FTO: variants seen among roughly 807,000 people sequenced by gnomAD.
FTO encodes alpha-ketoglutarate-dependent dioxygenase FTO.
FTO carries 47 observed loss-of-function variants against 63.9 expected under a neutral mutation model. The observed-to-expected ratio is 0.74, with a 90% CI of 0.58 to 0.94. The LOEUF (loss-of-function observed/expected upper bound fraction) is 0.94, where lower values mean the gene tolerates loss of function less well. Ranked by LOEUF, FTO falls within the 40% of genes least tolerant of loss-of-function variation. FTO has a pLI of 0.00. For synonymous variants in FTO, 207 were observed against 224.4 expected (o/e 0.92, Z 0.69); for missense variants, 562 against 618.1 (o/e 0.91, Z 0.96).
At chr16:54,003,034 CTG>C (rs1178045353) in intron 8 of FTO, among the ~76,000 whole-genome samples, 2 of 152,212 alleles carry the variant, frequency 1.3e-5, no homozygotes, top group Non-Finnish European at 2.9e-5. Flanking sequence ...AAGAGAAAGA[CTG>C]TGAAATAGAT....
chr16:53,879,373 A>T (rs982337915), intron 5 of FTO, among the ~76,000 whole-genome samples: 1 of 152,148 alleles, frequency 6.6e-6, no homozygotes, highest in Non-Finnish European at 1.5e-5. Context: ...CACTCTAGTA[A>T]TTCTTGAGTT....
At position 53,736,702 on chromosome 16, in the gene FTO, C is replaced by T. The variant is rs527578758; in HGVS notation, c.45+32473C>T. Among the ~76,000 whole-genome samples the T allele has an allele frequency of 8.5e-4, 129 of 152,314 alleles. 1 individual carries two copies. The highest frequency in any genetic ancestry group is 3.1e-3 in the African/African-American group (128 of 41,572). ...AAGTGGTTTTTCTTATTATTTAACT[C>T]TGGTTTGACTTTGATTCAATGTAGG... On this transcript the variant is annotated intron_variant, in intron 1 of 8. Transcript: ENST00000471389.
chr16:53,724,277 C>A (rs549205746), intron 1 of FTO, among the ~76,000 whole-genome samples: 8 of 152,136 alleles, frequency 5.3e-5, no homozygotes, highest in Non-Finnish European at 1.0e-4. Flanking sequence ...TGGCTGTATT[C>A]CTTACAGATG....
intron 1 of FTO, among the ~76,000 whole-genome samples, chr16:53,752,528 G>A (rs758687870): frequency 6.6e-6 from 1 of 152,128 alleles, no homozygotes; most frequent in Non-Finnish European, 1.5e-5. Flanking sequence ...ATTCAAAAGG[G>A]TAGTGTTCAA....
chr16:53,813,702 A>G (rs920556480), intron 2 of FTO, among the ~76,000 whole-genome samples: 1 of 152,158 alleles, frequency 6.6e-6, no homozygotes, highest in Non-Finnish European at 1.5e-5. Context: ...TAAACACAGG[A>G]GTCTGTTCAG....
At chr16:53,713,701 T>C (rs1285716740) in intron 1 of FTO, among the ~76,000 whole-genome samples, 2 of 152,132 alleles carry the variant, frequency 1.3e-5, no homozygotes, top group African/African-American at 4.8e-5. Flanking sequence ...GGTGCCATGG[T>C]TTGCATTTAA....
At chr16:53,847,771 A>G (rs2079672119) in intron 4 of FTO, among the ~76,000 whole-genome samples, 1 of 151,796 alleles carries the variant, frequency 6.6e-6, no homozygotes, top group African/African-American at 2.4e-5. Flanking sequence ...TCCATCTCAA[A>G]AAAAAAAAAA....
chr16:53,989,672 C>T (rs9933805), intron 8 of FTO, among the ~76,000 whole-genome samples: 100,849 of 151,960 alleles, frequency 0.66, 34,359 homozygotes, highest in East Asian at 0.94. Context: ...ATAATATTAA[C>T]ACAGCTGACA....
At chr16:53,704,355 A>C (rs1971841618) in intron 1 of FTO, 126 bp downstream of exon 1, 1 of 910,786 alleles carries the variant, frequency 1.1e-6, no homozygotes, top group East Asian at 2.6e-5. Flanking sequence ...GGGCCTTGTC[A>C]GCAAGGGACC....
At chr16:53,978,034 A>AT (rs2083466203) in intron 8 of FTO, among the ~76,000 whole-genome samples, 5 of 151,874 alleles carry the variant, frequency 3.3e-5, no homozygotes, top group Admixed American at 1.3e-4. Flanking sequence ...TTTTTAAAAA[A>AT]ATTTTTTTTG....
At chr16:53,718,842 A>G (rs550998146) in intron 1 of FTO, among the ~76,000 whole-genome samples, 5 of 152,310 alleles carry the variant, frequency 3.3e-5, no homozygotes, top group African/African-American at 1.2e-4. Context: ...TGCTGAATTC[A>G]ACATTTTAGT....
rs140239847 is a variant in FTO at position 53,722,155 on chromosome 16, A to G, written c.45+17926A>G. Among the ~76,000 whole-genome samples the G allele has an allele frequency of 4.4e-3, 666 of 152,334 alleles. 3 individuals carry two copies. Among genetic ancestry groups the G allele is most frequent in the African/African-American group, 0.015 (634 of 41,576 alleles). On this transcript the variant is annotated intron_variant, in intron 1 of 8. Coordinates refer to ENST00000471389, the MANE Select transcript of FTO (RefSeq NM_001080432.3). The stretch of plus-strand genomic sequence containing the variant: ...CCTTACCGACTTTATTTCCTGTGTC[A>G]AAAAGTATGATACTAACGGTAAGTT...
intron 1 of FTO, among the ~76,000 whole-genome samples, chr16:53,705,343 C>T (rs908536298): frequency 6.6e-6 from 1 of 152,190 alleles, no homozygotes; most frequent in Non-Finnish European, 1.5e-5. Context: ...TGGACCCTAC[C>T]TGCTTTCACA....
At chr16:54,034,653 A>T (rs1327308668) in intron 8 of FTO, among the ~76,000 whole-genome samples, 1 of 152,170 alleles carries the variant, frequency 6.6e-6, no homozygotes, top group African/African-American at 2.4e-5. Flanking sequence ...TAGTAGTTTT[A>T]GGGTCTTAAA....
chr16:53,927,132 G>A (rs2082163546), intron 7 of FTO, among the ~76,000 whole-genome samples: 1 of 152,214 alleles, frequency 6.6e-6, no homozygotes, highest in South Asian at 2.1e-4. Context: ...GGGTGAGATG[G>A]ACACAGACAG....
intron 4 of FTO, among the ~76,000 whole-genome samples, chr16:53,869,742 T>C (rs1314940147): frequency 6.6e-6 from 1 of 152,232 alleles, no homozygotes; most frequent in Non-Finnish European, 1.5e-5. Context: ...TCCATCCCTC[T>C]GCTTACGTTC....
intron 1 of FTO, among the ~76,000 whole-genome samples, chr16:53,790,949 G>C (rs913165063): frequency 3.3e-5 from 5 of 152,104 alleles, no homozygotes; most frequent in African/African-American, 1.2e-4. Context: ...AGAAAGACCT[G>C]AAACAGAGAC....
rs538835995 is a variant in FTO at position 54,014,996 on chromosome 16, T to C, written c.1364+80887T>C. Among the ~76,000 whole-genome samples the C allele has an allele frequency of 8.6e-5, 13 of 150,662 alleles. 1 individual carries two copies. The highest frequency in any genetic ancestry group is 3.2e-4 in the African/African-American group (13 of 40,784). ...TCAGCCTCTCAAGTAGCTAGGACTA[T>C]AGGTACACACCACTGCACCTGGCTA... On this transcript the variant is annotated intron_variant, in intron 8 of 8. Transcript: ENST00000471389.
Position 53,844,168 on chromosome 16 carries a change from A to T in FTO, c.765A>T (p.Glu255Asp). Residue 255 changes from glutamate to aspartate, a missense_variant, in exon 4 of 9, where the codon GAA becomes GAT. By Grantham distance (45) the Glu-to-Asp change is conservative (BLOSUM62 2). Coordinates refer to ENST00000471389, the MANE Select transcript of FTO (RefSeq NM_001080432.3). ...YSYSCEGPEE[E>D]SEDDSHLEGR... The stretch of plus-strand genomic sequence containing the variant: ...CTCTTTTGGCAGGCCCTGAAGAGGA[A>T]AGTGAGGATGACTCTCATCTCGAAG... 6.2e-7 allele frequency: 1 copy of T among 1,613,866 alleles called. No individual in the cohort carries two copies.
Sources: gnomAD v4.1 joint callset for allele counts (sites outside exome capture counted in the v4.1 genomes callset) on GRCh38, gnomAD v4.1.1 for gene constraint, MANE v1.5 for transcripts, NCBI Gene and HGNC (gene_info 2026-07-23, HGNC 2026-07-21) for gene names.